BAZ1A: variants seen among roughly 807,000 people sequenced by gnomAD.
BAZ1A encodes bromodomain adjacent to zinc finger domain 1A, also known as bromodomain adjacent to zinc finger domain protein 1A.
In BAZ1A, 50 loss-of-function variants were observed where a neutral mutation model predicts 185.2. That is an observed-to-expected ratio of 0.27 (90% CI 0.22 to 0.34). The LOEUF is 0.34. BAZ1A is among the 10% of genes least tolerant of loss of function. BAZ1A has a pLI of 1.00. For missense variants in BAZ1A, 1,356 were observed against 1,839.9 expected (o/e 0.74, Z 4.81); for synonymous variants, 571 against 615.6 (o/e 0.93, Z 1.07).
chr14:34,790,527 T>C (rs1271950088), intron 12 of BAZ1A, among the ~76,000 whole-genome samples: 1 of 152,044 alleles, frequency 6.6e-6, no homozygotes, highest in Non-Finnish European at 1.5e-5. Context: ...CTAATTTTTG[T>C]ATTTTTAGTA....
intron 2 of BAZ1A, among the ~76,000 whole-genome samples, chr14:34,866,832 A>G (rs2042869100): frequency 6.6e-6 from 1 of 152,122 alleles, no homozygotes; most frequent in Non-Finnish European, 1.5e-5. Context: ...CACATGTATA[A>G]TTTTAAATTT....
chr14:34,789,975 A>C (rs1880734279), intron 12 of BAZ1A, among the ~76,000 whole-genome samples: 1 of 152,186 alleles, frequency 6.6e-6, no homozygotes, highest in Non-Finnish European at 1.5e-5. Flanking sequence ...AAAATGCAGA[A>C]AATAATATCT....
intron 15 of BAZ1A, 124 bp downstream of exon 15, chr14:34,783,638 C>G: frequency 7.8e-7 from 1 of 1,288,360 alleles, no homozygotes; most frequent in Non-Finnish European, 1.1e-6. Flanking sequence ...CATTCACAAG[C>G]TCTTAGTAAA....
intron 10 of BAZ1A, 110 bp downstream of exon 10, chr14:34,795,560 G>C: frequency 1.5e-6 from 1 of 677,760 alleles, no homozygotes; most frequent in Non-Finnish European, 2.3e-6. Context: ...TTTCCTCTCG[G>C]TTAAATATAA....
At chr14:34,774,244 G>A in intron 19 of BAZ1A, 83 bp downstream of exon 19, 1 of 1,145,508 alleles carries the variant, frequency 8.7e-7, no homozygotes, top group South Asian at 1.8e-5. Context: ...CATATGCCTT[G>A]TCTATGCCAT....
chr14:34,841,658 T>A (rs2042417227), intron 3 of BAZ1A, among the ~76,000 whole-genome samples: 1 of 152,230 alleles, frequency 6.6e-6, no homozygotes, highest in South Asian at 2.1e-4. Flanking sequence ...AGTGCTGGGA[T>A]TACAGGTGGT....
intron 12 of BAZ1A, 39 bp from the exon 13 acceptor site, chr14:34,786,260 A>C (rs149008591): frequency 6.5e-7 from 1 of 1,547,882 alleles, no homozygotes; most frequent in Non-Finnish European, 8.8e-7. Context: ...TGCAAATCAA[A>C]GCTTGAATAT....
Position 34,800,303 on chromosome 14 carries a change from T to A in BAZ1A, c.1049A>T (p.Glu350Val), listed in dbSNP as rs775180723. Residue 350 changes from glutamate to valine, a missense_variant, in exon 9 of 27, where the codon GAA (glutamate) becomes GTA (valine). Glu to Val is a moderately radical substitution (Grantham distance 121). Coordinates refer to ENST00000360310, the MANE Select transcript of BAZ1A (RefSeq NM_013448.3). The stretch of plus-strand genomic sequence containing the variant: ...TTCTTCAACAATTTTTTTCAATTCT[T>A]CCCTCTTTTTCTCTTTATCTTCTTT... ...KEKEDKEKKR[E>V]ELKKIVEEER... is the part of the protein sequence containing the mutation. 2.7e-6 allele frequency: 4 copies of A among 1,496,556 alleles called. No homozygotes were observed. In the South Asian group the frequency reaches 3.7e-5, roughly 14 times the overall value. The allele number at this position is 1,496,556 out of a possible 1,614,324, so 92.7% of individuals were successfully genotyped here. A position where few individuals can be genotyped will look rare whatever the true frequency, so the allele number is the denominator to read the frequency against.
intron 3 of BAZ1A, among the ~76,000 whole-genome samples, chr14:34,833,262 C>T (rs1027555625): frequency 6.6e-6 from 1 of 152,096 alleles, no homozygotes; most frequent in African/African-American, 2.4e-5. Context: ...GGTGTGGTGG[C>T]TCACGCCTGT....
chr14:34,784,669 C>T (rs921019577), intron 14 of BAZ1A, among the ~76,000 whole-genome samples: 2 of 151,548 alleles, frequency 1.3e-5, no homozygotes, highest in Non-Finnish European at 1.5e-5. Flanking sequence ...AGGCGCCCGC[C>T]ACCACGCCTA....
intron 4 of BAZ1A, among the ~76,000 whole-genome samples, chr14:34,813,732 A>T (rs1004966099): frequency 4.0e-5 from 6 of 151,440 alleles, no homozygotes; most frequent in African/African-American, 1.5e-4. Flanking sequence ...CGAAGCAACG[A>T]CAAGAGTTCT....
chr14:34,872,913 T>TAACAAAAAAA (rs2042972026), intron 2 of BAZ1A, among the ~76,000 whole-genome samples: 1 of 76,180 alleles, frequency 1.3e-5, no homozygotes, highest in South Asian at 5.0e-4. Flanking sequence ...TTTAAAATCC[T>TAACAAAAAAA]AAAAAAAAAA....
At chr14:34,773,751 A>G (rs766342838) in intron 19 of BAZ1A, 25 bp from the exon 20 acceptor site, 3 of 1,609,904 alleles carry the variant, frequency 1.9e-6, no homozygotes, top group Admixed American at 1.7e-5. Context: ...AAACTTACTA[A>G]CCATGAAAAA....
intron 24 of BAZ1A, among the ~76,000 whole-genome samples, chr14:34,759,895 C>T (rs931638984): frequency 6.6e-6 from 1 of 151,868 alleles, no homozygotes; most frequent in African/African-American, 2.4e-5. Flanking sequence ...GGCTGGTCTC[C>T]AACTCCTCAC....
intron 2 of BAZ1A, among the ~76,000 whole-genome samples, chr14:34,869,411 C>A (rs542330656): frequency 6.6e-6 from 1 of 152,156 alleles, no homozygotes; most frequent in Non-Finnish European, 1.5e-5. Flanking sequence ...GAAAGTTAGA[C>A]ATTTGGAAGG....
At chr14:34,757,307 G>A (rs552002566) in intron 25 of BAZ1A, among the ~76,000 whole-genome samples, 1 of 147,394 alleles carries the variant, frequency 6.8e-6, no homozygotes, top group East Asian at 2.1e-4. Context: ...GGAGGTTGTA[G>A]TGAGCTGAGA....
At chr14:34,856,187 A>G (rs1366128160) in intron 3 of BAZ1A, among the ~76,000 whole-genome samples, 1 of 152,192 alleles carries the variant, frequency 6.6e-6, no homozygotes, top group Non-Finnish European at 1.5e-5. Context: ...GCCTAGCCTC[A>G]ATGCCACACT....
intron 17 of BAZ1A, 50 bp downstream of exon 17, chr14:34,780,136 T>C (rs1375571466): frequency 8.1e-6 from 13 of 1,602,908 alleles, no homozygotes; most frequent in African/African-American, 2.7e-5. Flanking sequence ...AAGTGCTTTA[T>C]TGGTTAAAAA....
At position 34,765,048 on chromosome 14, in the gene BAZ1A, A is replaced by G. The variant is rs779702413; in HGVS notation, c.3522T>C (p.His1174=). The G allele has an allele frequency of 6.2e-7, 1 of 1,614,234 alleles. No individual in the cohort carries two copies. Among genetic ancestry groups the G allele is most frequent in the Non-Finnish European group, 8.5e-7 (1 of 1,180,038 alleles). Residue 1174 remains histidine, a synonymous_variant, in exon 22 of 27, where the codon CAT becomes CAC. Coordinates refer to ENST00000360310, the MANE Select transcript of BAZ1A (RefSeq NM_013448.3). ...VLCDGCDRGH[H]TYCVRPKLKT... is the part of the protein sequence containing the mutation. ...TGAGCTTTGGTCGAACACAGTAGGT[A>G]TGATGACCCCTATCACAGCCATCAC...
Sources: gnomAD v4.1 joint callset for allele counts (sites outside exome capture counted in the v4.1 genomes callset) on GRCh38, gnomAD v4.1.1 for gene constraint, MANE v1.5 for transcripts, NCBI Gene and HGNC (gene_info 2026-07-23, HGNC 2026-07-21) for gene names.